Variants in LRRK1 observed in about 807,000 individuals in gnomAD.
The protein encoded by LRRK1 is leucine-rich repeat serine/threonine-protein kinase 1.
A neutral mutation model predicts 209.1 loss-of-function variants in LRRK1; 113 were observed. That is an observed-to-expected ratio of 0.54 (90% CI 0.46 to 0.63). The LOEUF is 0.63. LRRK1 is among the 30% of genes least tolerant of loss of function. LRRK1 has a pLI of 0.00. For synonymous variants in LRRK1, 1,144 were observed against 1,099.7 expected (o/e 1.04, Z -0.80); for missense variants, 2,284 against 2,632.2 (o/e 0.87, Z 2.89).
chr15:100,926,576 C>T (rs1449372507), intron 2 of LRRK1, among the ~76,000 whole-genome samples: 1 of 131,226 alleles, frequency 7.6e-6, no homozygotes, highest in Admixed American at 7.8e-5. Context: ...CCACCTGGAC[C>T]CACTGGAGCA....
At chr15:100,968,672 T>C (rs201481016) in intron 2 of LRRK1, among the ~76,000 whole-genome samples, 13 of 79,636 alleles carry the variant, frequency 1.6e-4, no homozygotes, top group Middle Eastern at 0.015. Context: ...TTCTTTCTTT[T>C]TCTTTCTTTC....
Position 101,027,945 on chromosome 15 carries a change from T to C in LRRK1, c.2686+148T>C. The C allele has an allele frequency of 1.4e-6, 1 of 703,602 alleles. No individual in the cohort carries two copies. The highest frequency in any genetic ancestry group is 2.8e-5 in the East Asian group (1 of 35,434). 43.6% of individuals were successfully genotyped at this position (703,602 alleles called of 1,614,324 possible). A position where few individuals can be genotyped will look rare whatever the true frequency, so the allele number is the denominator to read the frequency against. ...CATCCCCCTCCCCTTCCTTCTTCCC[T>C]CTCACCCTTCTTTCCTTGGAGGGAG... On this transcript the variant is annotated intron_variant, in intron 19 of 33. Coordinates refer to ENST00000388948, the MANE Select transcript of LRRK1 (RefSeq NM_024652.6). This position sits in a 1 kb window ranked among gnomAD's most constrained non-coding sequence, Gnocchi z 5.1.
At chr15:100,963,090 T>C (rs1039394372) in intron 2 of LRRK1, among the ~76,000 whole-genome samples, 1 of 151,714 alleles carries the variant, frequency 6.6e-6, no homozygotes, top group African/African-American at 2.4e-5. Context: ...CCCAAAGTGC[T>C]GGGATTACAG....
chr15:100,925,263 A>G (rs2141591819), intron 2 of LRRK1, among the ~76,000 whole-genome samples: 1 of 152,328 alleles, frequency 6.6e-6, no homozygotes, highest in East Asian at 1.9e-4. Context: ...ACATTTGCTT[A>G]GGGCACCACC....
intron 30 of LRRK1, among the ~76,000 whole-genome samples, chr15:101,061,520 G>C (rs565217370): frequency 6.6e-6 from 1 of 152,248 alleles, no homozygotes; most frequent in Non-Finnish European, 1.5e-5. Context: ...CGGGATTTGC[G>C]ATGGTGAGGA....
chr15:100,960,761 G>T (rs895559455), intron 2 of LRRK1, among the ~76,000 whole-genome samples: 2 of 152,176 alleles, frequency 1.3e-5, no homozygotes, highest in Admixed American at 6.5e-5. Flanking sequence ...GAACGAATGA[G>T]CAATAAATAA....
chr15:100,984,397 G>A (rs771107130), intron 4 of LRRK1, among the ~76,000 whole-genome samples: 2 of 152,118 alleles, frequency 1.3e-5, no homozygotes, highest in Non-Finnish European at 1.5e-5. Context: ...AATGGATAAT[G>A]ACACGTGTCC....
rs565557494 is a variant in LRRK1, at chr15:100,924,231, T to C, written c.-122-280T>C. ...CCTTGCATGTGACAGTAGGTGTGCG[T>C]TGACTGAACAATGATTGAAGCTGTT... On this transcript the variant is annotated intron_variant, in intron 1 of 33. Transcript: ENST00000388948. 4.8e-4 allele frequency among the ~76,000 whole-genome samples: 73 copies of C among 152,298 alleles called. 1 individual carries two copies. The South Asian group carries it at 0.012, about 25-fold the overall frequency.
intron 23 of LRRK1, among the ~76,000 whole-genome samples, 186 bp downstream of exon 23, chr15:101,049,969 G>T (rs2035313317): frequency 6.6e-6 from 1 of 152,110 alleles, no homozygotes; most frequent in Admixed American, 6.5e-5. Flanking sequence ...ACTGGGGGGA[G>T]TCCCACGGGG....
intron 2 of LRRK1, among the ~76,000 whole-genome samples, chr15:100,958,581 G>A (rs139333510): frequency 6.6e-6 from 1 of 152,280 alleles, no homozygotes; most frequent in Non-Finnish European, 1.5e-5. Flanking sequence ...GATGGCTAAG[G>A]AATAAGATAG....
intron 2 of LRRK1, among the ~76,000 whole-genome samples, chr15:100,941,554 T>C (rs2042438004): frequency 1.3e-5 from 2 of 151,440 alleles, no homozygotes; most frequent in South Asian, 2.1e-4. Flanking sequence ...TGTGCTGGCT[T>C]GGTTAGAGGA....
At chr15:101,026,886 C>T (rs1054014291) in intron 17 of LRRK1, among the ~76,000 whole-genome samples, 3 of 152,174 alleles carry the variant, frequency 2.0e-5, no homozygotes, top group African/African-American at 7.2e-5. Context: ...GGAATTCCTG[C>T]TTTGCCCTTG....
chr15:101,007,399 A>T (rs541492137), intron 6 of LRRK1, among the ~76,000 whole-genome samples: 3 of 152,336 alleles, frequency 2.0e-5, no homozygotes, highest in Non-Finnish European at 4.4e-5. Flanking sequence ...TCAGGAAGAA[A>T]GAGCAAAGTC....
chr15:101,014,843 G>A (rs1182058923), intron 11 of LRRK1, among the ~76,000 whole-genome samples: 2 of 152,224 alleles, frequency 1.3e-5, no homozygotes, highest in African/African-American at 4.8e-5. Flanking sequence ...GGAGGTTAGG[G>A]CTTCGACACA....
At chr15:100,960,793 A>G (rs967761281) in intron 2 of LRRK1, among the ~76,000 whole-genome samples, 8 of 152,372 alleles carry the variant, frequency 5.3e-5, no homozygotes, top group African/African-American at 1.7e-4. Context: ...GAAGAGGAAC[A>G]AAATCTAGGA....
Position 101,028,953 on chromosome 15 carries a change from C to A in LRRK1, c.2687-3C>A, listed in dbSNP as rs1331659558. On this transcript the variant is annotated splice_polypyrimidine_tract_variant and splice_region_variant and intron_variant, in intron 19 of 33. Transcript: ENST00000388948. ...TGCTTCCTCCTCTCCTTGCCTGGGG[C>A]AGCCATCAGCTTCCTCATAGAAACC... is the stretch of plus-strand genomic sequence containing the variant. 1 of 1,613,332 alleles carries A rather than the reference C, an allele frequency of 6.2e-7. No individual in the cohort carries two copies. The highest frequency in any genetic ancestry group is 1.1e-5 in the South Asian group (1 of 91,024).
Position 101,024,360 on chromosome 15 carries a change from G to A in LRRK1, c.2068-443G>A, listed in dbSNP as rs775390958. 4.6e-5 allele frequency among the ~76,000 whole-genome samples: 7 copies of A among 152,202 alleles called. No homozygotes were observed. Among genetic ancestry groups the A allele is most frequent in the African/African-American group, 7.2e-5 (3 of 41,460 alleles). ...CTTTTGTTTGATTCCCACAGGGTGG[G>A]AGGGAGTTTCCCAGCATCCTTGGTG... On this transcript the variant is annotated intron_variant, in intron 15 of 33. Transcript: ENST00000388948. The surrounding 1 kb of genome is among the most constrained non-coding windows in gnomAD (Gnocchi z 4.6).
In LRRK1 at chr15:101,072,866, TAAAC is replaced by T. The variant is rs1048236153; in HGVS notation, c.*4020_*4023del. On this transcript the variant is annotated 3_prime_UTR_variant, in exon 34 of 34. Transcript: ENST00000388948. ...TCAGCCCACCTGCGCCCAGGTGAAA[TAAAC>T]AGCCTTGTTGCTCACACAAAGCCTG... 40 of 152,420 alleles carry T rather than the reference TAAAC, an allele frequency of 2.6e-4. No individual in the cohort carries two copies. The highest frequency in any genetic ancestry group is 9.4e-4 in the African/African-American group (39 of 41,416). The allele number at this position is 152,420 out of a possible 1,614,324, so 9.4% of individuals were successfully genotyped here.
chr15:100,937,219 C>T (rs191834684), intron 2 of LRRK1, among the ~76,000 whole-genome samples: 2 of 152,132 alleles, frequency 1.3e-5, no homozygotes, highest in African/African-American at 4.8e-5. Context: ...TATTTTTAAA[C>T]TATCTTATTC....
Sources: gnomAD v4.1 joint callset for allele counts (sites outside exome capture counted in the v4.1 genomes callset) on GRCh38, gnomAD v4.1.1 for gene constraint, Gnocchi (gnomAD v3.1) non-coding constraint, MANE v1.5 for transcripts, NCBI Gene and HGNC (gene_info 2026-07-23, HGNC 2026-07-21) for gene names.